The following DYNLRB1 variants were observed in gnomAD, a reference collection of about 807,000 sequenced individuals.
The protein encoded by DYNLRB1 is ROBL/LC7-like 1.
Under a neutral mutation model 13.5 loss-of-function variants are expected in DYNLRB1, and 6 were observed. The observed-to-expected ratio is 0.44, with a 90% CI of 0.24 to 0.88. The LOEUF (loss-of-function observed/expected upper bound fraction) is 0.88. Among genes scored for constraint, DYNLRB1 ranks in the 40% least tolerant of loss-of-function variants. The pLI is 0.21. For synonymous variants in DYNLRB1, 43 were observed against 45.0 expected, an observed-to-expected ratio of 0.96 and a Z score of 0.18; for missense variants, 93 against 127.2, an observed-to-expected ratio of 0.73 and a Z score of 1.29.
At chr20:34,534,489 C>A in intron 2 of DYNLRB1, 139 bp from the exon 3 acceptor site, 1 of 1,091,248 alleles carries the variant, frequency 9.2e-7, no homozygotes, top group Non-Finnish European at 1.3e-6. Flanking sequence ...CAGCACCATG[C>A]CTGTCACATA....
intron 1 of DYNLRB1, among the ~76,000 whole-genome samples, chr20:34,522,463 C>CTTTTT (rs1979809197): frequency 9.9e-6 from 1 of 101,270 alleles, no homozygotes; most frequent in African/African-American, 3.8e-5. Flanking sequence ...TTTCTTTTTT[C>CTTTTT]TTTTTCTTTT....
intron 2 of DYNLRB1, chr20:34,529,949 C>A: frequency 7.0e-7 from 1 of 1,426,764 alleles, no homozygotes; most frequent in Non-Finnish European, 9.2e-7. Context: ...CTCCTTTCCC[C>A]GCTTCAGCCC....
At position 34,538,626 on chromosome 20, in the gene DYNLRB1, A is replaced by AT. The variant is rs1175014738; in HGVS notation, c.248-1950dup. 1.1e-4 allele frequency among the ~76,000 whole-genome samples: 16 copies of AT among 152,136 alleles called. No individual in the cohort carries two copies. In the South Asian group the frequency reaches 3.3e-3, roughly 32 times the overall value. On this transcript the variant is annotated intron_variant, in intron 3 of 3. Coordinates refer to ENST00000357156, the MANE Select transcript of DYNLRB1 (RefSeq NM_014183.4). ...GACACTGATGTTACCGATTGTGCCT[A>AT]TTTTTATCAGTGGCTTGTTAATTAT...
intron 2 of DYNLRB1, among the ~76,000 whole-genome samples, chr20:34,527,140 G>A (rs377021083): frequency 6.6e-6 from 1 of 152,194 alleles, no homozygotes; most frequent in African/African-American, 2.4e-5. Context: ...GTAATTGATC[G>A]GCCTACCATC....
chr20:34,536,317 G>C, intron 3 of DYNLRB1: 1 of 985,394 alleles, frequency 1.0e-6, no homozygotes, highest in South Asian at 4.7e-5. Flanking sequence ...GTGCTGTGCT[G>C]ATGTCCTGAG....
At chr20:34,523,312 C>T (rs771196461) in intron 1 of DYNLRB1, among the ~76,000 whole-genome samples, 2 of 152,168 alleles carry the variant, frequency 1.3e-5, no homozygotes, top group Non-Finnish European at 2.9e-5. Flanking sequence ...CAGCCAGAGC[C>T]GTCCTTTGGA....
At chr20:34,522,475 T>TTTC (rs1424539473) in intron 1 of DYNLRB1, among the ~76,000 whole-genome samples, 2 of 134,856 alleles carry the variant, frequency 1.5e-5, no homozygotes, top group African/African-American at 2.8e-5. Flanking sequence ...TTTTCTTTTT[T>TTTC]TTTTTTTTTT....
At chr20:34,534,437 C>T (rs1388104341) in intron 2 of DYNLRB1, among the ~76,000 whole-genome samples, 191 bp from the exon 3 acceptor site, 1 of 152,250 alleles carries the variant, frequency 6.6e-6, no homozygotes, top group Non-Finnish European at 1.5e-5. Context: ...TTGCCACCCA[C>T]AGAGTAGTTC....
intron 2 of DYNLRB1, among the ~76,000 whole-genome samples, chr20:34,531,736 G>T (rs552116945): frequency 6.6e-6 from 1 of 152,160 alleles, no homozygotes; most frequent in East Asian, 1.9e-4. Flanking sequence ...ACATTGTGGT[G>T]GGAGATGGAA....
At chr20:34,516,557 C>G in intron 1 of DYNLRB1, 96 bp downstream of exon 1, 2 of 1,576,998 alleles carry the variant, frequency 1.3e-6, no homozygotes, top group Middle Eastern at 1.9e-4. Flanking sequence ...GAGCTCCGGA[C>G]AGGGAATCGG....
chr20:34,532,180 T>C (rs1980765113), intron 2 of DYNLRB1, among the ~76,000 whole-genome samples: 1 of 152,258 alleles, frequency 6.6e-6, no homozygotes, highest in Non-Finnish European at 1.5e-5. Flanking sequence ...AAATGGCATT[T>C]ACTGTGTGAG....
At chr20:34,527,052 AC>A (rs147611620) in intron 2 of DYNLRB1, among the ~76,000 whole-genome samples, 1,634 of 152,234 alleles carry the variant, frequency 0.011, 41 homozygotes, top group African/African-American at 0.038. Flanking sequence ...TTTATCACAT[AC>A]CCGCTCTGTG....
At chr20:34,517,430 T>C (rs1979331310) in intron 1 of DYNLRB1, among the ~76,000 whole-genome samples, 2 of 152,170 alleles carry the variant, frequency 1.3e-5, no homozygotes, top group African/African-American at 2.4e-5. Context: ...ATTACAAACA[T>C]GTAATAATGC....
At chr20:34,540,431 C>T (rs1981487070) in intron 3 of DYNLRB1, 150 bp from the exon 4 acceptor site, 1 of 749,664 alleles carries the variant, frequency 1.3e-6, no homozygotes, top group African/African-American at 1.8e-5. Context: ...TCCGTTTTCC[C>T]AGCATTTGGA....
chr20:34,524,557 C>G (rs923179689), intron 1 of DYNLRB1, among the ~76,000 whole-genome samples: 4 of 152,150 alleles, frequency 2.6e-5, no homozygotes, highest in African/African-American at 9.7e-5. Flanking sequence ...GTGCCCCACT[C>G]CTCCCTTTCA....
At chr20:34,533,593 G>T (rs973098161) in intron 2 of DYNLRB1, 7 of 820,952 alleles carry the variant, frequency 8.5e-6, no homozygotes, top group Non-Finnish European at 8.8e-6. Context: ...GGCCGAGGCG[G>T]GTGGATCATG....
In DYNLRB1 at chr20:34,533,502, C is replaced by T. The variant is rs1980870874; in HGVS notation, c.80-1126C>T. On this transcript the variant is annotated intron_variant, in intron 2 of 3. Coordinates refer to ENST00000357156, the MANE Select transcript of DYNLRB1 (RefSeq NM_014183.4). ...ATGGTTATGTCCCAGCACAAGCTGA[C>T]TTTTTCTCTTCTACTTTTTAGTGTG... 5 of 985,346 alleles carry T rather than the reference C, an allele frequency of 5.1e-6. No individual in the cohort carries two copies. In the South Asian group the frequency reaches 1.9e-4, roughly 37 times the overall value. 61.0% of individuals were successfully genotyped at this position (985,346 alleles called of 1,614,324 possible).
rs1981514051 is a variant in DYNLRB1, at chr20:34,540,716, C to T, written c.*92C>T. On this transcript the variant is annotated 3_prime_UTR_variant, in exon 4 of 4. Coordinates refer to ENST00000357156, the MANE Select transcript of DYNLRB1 (RefSeq NM_014183.4). Reference sequence around the variant, plus strand: ...TGTCAGTGGACTAGCACATGGCAGTCGCTTGGAACCCACTCACACCAATCC... The same window carrying T: ...TGTCAGTGGACTAGCACATGGCAGTTGCTTGGAACCCACTCACACCAATCC... 6.0e-6 allele frequency: 8 copies of T among 1,343,344 alleles called. No individual in the cohort carries two copies. The East Asian group carries it at 7.0e-5, about 12-fold the overall frequency. 83.2% of individuals were successfully genotyped at this position (1,343,344 alleles called of 1,614,324 possible). A position where few individuals can be genotyped will look rare whatever the true frequency, so the allele number is the denominator to read the frequency against.
chr20:34,540,223 A>T (rs1431942162), intron 3 of DYNLRB1, among the ~76,000 whole-genome samples: 1 of 152,188 alleles, frequency 6.6e-6, no homozygotes, highest in African/African-American at 2.4e-5. Flanking sequence ...CTAGCTTGAC[A>T]ACCATGGCCT....
Sources: gnomAD v4.1 joint callset for allele counts (sites outside exome capture counted in the v4.1 genomes callset) on GRCh38, gnomAD v4.1.1 for gene constraint, MANE v1.5 for transcripts, NCBI Gene and HGNC (gene_info 2026-07-23, HGNC 2026-07-21) for gene names.